MAST2: variants seen among roughly 807,000 people sequenced by gnomAD.
MAST2 encodes microtubule-associated serine/threonine-protein kinase 2.
Under a neutral mutation model 147.4 loss-of-function variants are expected in MAST2, and 70 were observed. The ratio of observed to expected loss-of-function variants is 0.47; its 90% CI spans 0.39 to 0.58. The LOEUF (loss-of-function observed/expected upper bound fraction) is 0.58, where lower values mean the gene tolerates loss of function less well. Ranked by LOEUF, MAST2 falls within the 20% of genes least tolerant of loss-of-function variation. The pLI is 0.00. For synonymous variants in MAST2, 869 were observed against 896.8 expected (o/e 0.97, Z 0.55); for missense variants, 2,080 against 2,302.3 (o/e 0.90, Z 1.98).
At position 45,888,655 on chromosome 1, in the gene MAST2, C is replaced by T. The variant is rs187939675; in HGVS notation, c.500+6260C>T. 9.0e-4 allele frequency among the ~76,000 whole-genome samples: 99 copies of T among 109,722 alleles called. 1 individual carries two copies. The highest frequency in any genetic ancestry group is 2.8e-3 in the African/African-American group (85 of 30,166). 72.0% of individuals were successfully genotyped at this position (109,722 alleles called of 152,430 possible). ...GGGATTACAGGCGTGAGCCACCGCG[C>T]GCGGCCTCTTTTTTTTTTTTTTTTT... is the stretch of plus-strand genomic sequence containing the variant. On this transcript the variant is annotated intron_variant, in intron 4 of 28. Transcript: ENST00000361297.
chr1:46,025,635 G>A (rs764379402), intron 15 of MAST2, 42 bp from the exon 16 acceptor site: 2 of 1,612,540 alleles, frequency 1.2e-6, no homozygotes, highest in South Asian at 1.1e-5. Context: ...GCTAGAGCAG[G>A]GAACTGAATC....
At chr1:45,870,892 G>A (rs1317552542) in intron 3 of MAST2, among the ~76,000 whole-genome samples, 1 of 151,928 alleles carries the variant, frequency 6.6e-6, no homozygotes, top group Non-Finnish European at 1.5e-5. Flanking sequence ...TTGTGCCCCT[G>A]TACTCCAGCC....
rs1303608935 is a variant in MAST2 at position 46,023,037 on chromosome 1, TC to T, written c.1485+67del. ...CCCTATGAAGCAAAGAGCTATGAATTCTCTTTAAGAGAATATCTGAGGAAGG... is the reference window on the plus strand; with the variant it reads ...CCCTATGAAGCAAAGAGCTATGAATTTCTTTAAGAGAATATCTGAGGAAGG... On this transcript the variant is annotated intron_variant, in intron 13 of 28. Coordinates refer to ENST00000361297, the MANE Select transcript of MAST2 (RefSeq NM_015112.3). The surrounding 1 kb of genome is among the most constrained non-coding windows in gnomAD (Gnocchi z 4.9). 2.0e-6 allele frequency: 3 copies of T among 1,476,612 alleles called. No homozygotes were observed. The East Asian group carries it at 6.8e-5, about 33-fold the overall frequency. 91.5% of individuals were successfully genotyped at this position (1,476,612 alleles called of 1,614,324 possible). A position where few individuals can be genotyped will look rare whatever the true frequency, so the allele number is the denominator to read the frequency against.
At chr1:45,950,184 T>C (rs1024935880) in intron 4 of MAST2, among the ~76,000 whole-genome samples, 7 of 152,120 alleles carry the variant, frequency 4.6e-5, no homozygotes, top group Non-Finnish European at 1.0e-4. Flanking sequence ...AGTTTACCTA[T>C]GTACCTGAAT....
At chr1:45,917,925 T>C (rs781636334) in intron 4 of MAST2, among the ~76,000 whole-genome samples, 1 of 152,128 alleles carries the variant, frequency 6.6e-6, no homozygotes, top group South Asian at 2.1e-4. Context: ...TTGAGGAAAA[T>C]AGCCCTTCTC....
chr1:45,943,251 G>C (rs776979797), intron 4 of MAST2, among the ~76,000 whole-genome samples: 3 of 152,178 alleles, frequency 2.0e-5, no homozygotes, highest in Non-Finnish European at 4.4e-5. Context: ...ATACCATGAA[G>C]AGTCTTGATT....
At chr1:45,810,767 C>T (rs1367055945) in intron 1 of MAST2, among the ~76,000 whole-genome samples, 3 of 132,880 alleles carry the variant, frequency 2.3e-5, no homozygotes, top group Non-Finnish European at 3.1e-5. Context: ...GCCAAGATCG[C>T]GCCACGGTAC....
At chr1:46,016,787 C>T (rs1282817546) in intron 10 of MAST2, among the ~76,000 whole-genome samples, 1 of 152,190 alleles carries the variant, frequency 6.6e-6, no homozygotes, top group Non-Finnish European at 1.5e-5. Context: ...CCCCATCAAG[C>T]TACCAATGAC....
At chr1:45,830,922 G>C (rs1360456754) in intron 3 of MAST2, among the ~76,000 whole-genome samples, 3 of 151,274 alleles carry the variant, frequency 2.0e-5, no homozygotes, top group Non-Finnish European at 4.4e-5. Flanking sequence ...TGTAGTCCCA[G>C]CTACTCAGAA....
At chr1:46,022,851 A>C (rs1646245674) in intron 12 of MAST2, 59 bp from the exon 13 acceptor site, 2 of 1,251,882 alleles carry the variant, frequency 1.6e-6, no homozygotes, top group Admixed American at 3.4e-5. Context: ...TGATCTGAGG[A>C]TACTGCTGAG....
rs532487057 is a variant in MAST2, at chr1:46,024,311, C to G, written c.1780+331C>G. ...AGCTACAAAAGCCCAGGATTAGGTGCTAGGAGGTTTGCATCTGGACCCTCA... is the reference window on the plus strand; with the variant it reads ...AGCTACAAAAGCCCAGGATTAGGTGGTAGGAGGTTTGCATCTGGACCCTCA... On this transcript the variant is annotated intron_variant, in intron 15 of 28. Coordinates refer to ENST00000361297, the MANE Select transcript of MAST2 (RefSeq NM_015112.3). 8.4e-5 allele frequency: 27 copies of G among 320,702 alleles called. 2 individuals are homozygous for G. The South Asian group carries it at 8.7e-4, about 10-fold the overall frequency. The allele number at this position is 320,702 out of a possible 1,614,324, so 19.9% of individuals were successfully genotyped here.
chr1:45,843,602 G>C (rs748071904), intron 3 of MAST2, among the ~76,000 whole-genome samples: 1 of 152,074 alleles, frequency 6.6e-6, no homozygotes, highest in Non-Finnish European at 1.5e-5. Flanking sequence ...AGAGTAAAGA[G>C]AAATAAAAGG....
Position 46,033,840 on chromosome 1 carries a change from G to C in MAST2, c.3576G>C (p.Glu1192Asp). The C allele has an allele frequency of 6.2e-7, 1 of 1,614,190 alleles. No homozygotes were observed. The highest frequency in any genetic ancestry group is 1.1e-5 in the South Asian group (1 of 91,084). The change falls in exon 27 of 29, where the codon GAG becomes GAC. Residue 1192 changes from glutamate to aspartate, a missense_variant. Glu to Asp is a conservative substitution (Grantham distance 45, BLOSUM62 2). Transcript: ENST00000361297. ...TGGCCATTTCAACAACTCCCCTGGA[G>C]AACACATCCATTAAAGTGGGGCCAG... ...NKVAISTTPLENTSIKVGPAR... is the reference protein window; with the variant it reads ...NKVAISTTPLDNTSIKVGPAR...
At chr1:45,927,686 G>A (rs1170727612) in intron 4 of MAST2, among the ~76,000 whole-genome samples, 4 of 152,074 alleles carry the variant, frequency 2.6e-5, no homozygotes, top group Non-Finnish European at 4.4e-5. Context: ...TGTATAATTT[G>A]TGCAGTTAAC....
intron 4 of MAST2, among the ~76,000 whole-genome samples, chr1:45,948,744 A>G (rs544546933): frequency 6.9e-6 from 1 of 145,924 alleles, no homozygotes; most frequent in Non-Finnish European, 1.5e-5. Flanking sequence ...GTCATATGGA[A>G]CAAGAAAAGA....
intron 3 of MAST2, among the ~76,000 whole-genome samples, chr1:45,857,131 A>G (rs1645815919): frequency 6.6e-6 from 1 of 152,160 alleles, no homozygotes; most frequent in Non-Finnish European, 1.5e-5. Flanking sequence ...GCCTGTCTAC[A>G]TCCACTTGAA....
chr1:45,863,757 G>A (rs1646055806), intron 3 of MAST2, among the ~76,000 whole-genome samples: 1 of 152,148 alleles, frequency 6.6e-6, no homozygotes, highest in South Asian at 2.1e-4. Flanking sequence ...GGCTGATTGT[G>A]TGCTTTATAC....
chr1:46,002,668 C>G (rs1241759988), intron 6 of MAST2, 137 bp from the exon 7 acceptor site: 1 of 711,852 alleles, frequency 1.4e-6, no homozygotes, highest in Non-Finnish European at 2.6e-6. Flanking sequence ...AAAGCATGTA[C>G]TGGACTGAGC....
chr1:46,000,304 A>T (rs1645223476), intron 6 of MAST2, among the ~76,000 whole-genome samples: 1 of 152,158 alleles, frequency 6.6e-6, no homozygotes, highest in African/African-American at 2.4e-5. Context: ...ACAGAGCAAG[A>T]CTCCATCTGA....
Sources: gnomAD v4.1 joint callset for allele counts (sites outside exome capture counted in the v4.1 genomes callset) on GRCh38, gnomAD v4.1.1 for gene constraint, Gnocchi (gnomAD v3.1) non-coding constraint, MANE v1.5 for transcripts, NCBI Gene and HGNC (gene_info 2026-07-23, HGNC 2026-07-21) for gene names.